CARS1: variants seen among roughly 807,000 people sequenced by gnomAD.
The protein encoded by CARS1 is cysteine--tRNA ligase, cytoplasmic.
In CARS1, 48 loss-of-function variants were observed where a neutral mutation model predicts 106.2. That is an observed-to-expected ratio of 0.45 (90% CI 0.36 to 0.57). CARS1 has a LOEUF of 0.57. Ranked by LOEUF, CARS1 falls within the 20% of genes least tolerant of loss-of-function variation. CARS1 has a pLI of 0.00. For missense variants in CARS1, 968 were observed against 1,057.2 expected (o/e 0.92, Z 1.17); for synonymous variants, 409 against 403.4 (o/e 1.01, Z -0.17).
Position 3,017,788 on chromosome 11 carries a change from G to T in CARS1, c.1727+69C>A. 1 of 1,018,426 alleles carries T rather than the reference G, an allele frequency of 9.8e-7. No homozygotes were observed. Among genetic ancestry groups the T allele is most frequent in the Non-Finnish European group, 1.6e-6 (1 of 642,524 alleles). 63.1% of individuals were successfully genotyped at this position (1,018,426 alleles called of 1,614,324 possible). A position where few individuals can be genotyped will look rare whatever the true frequency, so the allele number is the denominator to read the frequency against. Reference sequence around the variant, plus strand: ...CCTCGACAGTCCAGGACACATGGTGGCCAAGATGCGAGGCTAGGCATAGAA... The same window carrying T: ...CCTCGACAGTCCAGGACACATGGTGTCCAAGATGCGAGGCTAGGCATAGAA... On this transcript the variant is annotated intron_variant, in intron 15 of 22. Coordinates refer to ENST00000380525, the MANE Select transcript of CARS1 (RefSeq NM_001014437.3). The surrounding 1 kb of genome is among the most constrained non-coding windows in gnomAD (Gnocchi z 4.9).
chr11:3,042,567 C>G (rs558724339), intron 2 of CARS1, among the ~76,000 whole-genome samples: 4 of 152,148 alleles, frequency 2.6e-5, no homozygotes, highest in African/African-American at 9.7e-5. Context: ...GGCAGCATAC[C>G]CCAATAACAC....
Position 3,042,240 on chromosome 11 carries a change from C to T in CARS1, c.291G>A (p.Val97=), listed in dbSNP as rs1854556336. 2 of 1,612,526 alleles carry T rather than the reference C, an allele frequency of 1.2e-6. No homozygotes were observed. Among genetic ancestry groups the T allele is most frequent in the South Asian group, 2.2e-5 (2 of 91,046 alleles). The change falls in exon 3 of 23, where the codon GTG becomes GTA. Residue 97 remains valine (V), a synonymous_variant. Coordinates refer to ENST00000380525, the MANE Select transcript of CARS1 (RefSeq NM_001014437.3). ...CAGCAGGAGGGGACCACTGGGGCTG[C>T]ACACGCCGGCCTTTGCCTGGGAGGC... ...CRLQASKGRR[V]QPQWSPPAGT...
At position 3,018,372 on chromosome 11, in the gene CARS1, G is replaced by A. The variant is rs1340237255; in HGVS notation, c.1629+36C>T. 6 of 1,446,738 alleles carry A rather than the reference G, an allele frequency of 4.1e-6. No individual in the cohort carries two copies. In the East Asian group the frequency reaches 6.8e-5, roughly 16 times the overall value. 89.6% of individuals were successfully genotyped at this position (1,446,738 alleles called of 1,614,324 possible). On this transcript the variant is annotated intron_variant, in intron 14 of 22. Transcript: ENST00000380525. The stretch of plus-strand genomic sequence containing the variant: ...AGGTGCCCACTGTGCAGGGGAGGCT[G>A]CTCCACCAACCTCCAGGAAGGGGCT...
chr11:3,037,379 C>A lies in CARS1; in HGVS notation c.801+671G>T, dbSNP rs528578476. Among the ~76,000 whole-genome samples, 1 of 152,218 alleles carries A rather than the reference C, an allele frequency of 6.6e-6. No homozygotes were observed. Among genetic ancestry groups the A allele is most frequent in the African/African-American group, 2.4e-5 (1 of 41,464 alleles). ...GCAGTGGTGAGGGAAGGCAGGGCTG[C>A]GGCCTCAGTGGGGCCTCTTTTTCTA... On this transcript the variant is annotated intron_variant, in intron 7 of 22. Coordinates refer to ENST00000380525, the MANE Select transcript of CARS1 (RefSeq NM_001014437.3). The surrounding 1 kb of genome is among the most constrained non-coding windows in gnomAD (Gnocchi z 5.9).
chr11:3,025,306 T>C (rs1248329256), intron 10 of CARS1, among the ~76,000 whole-genome samples: 2 of 152,140 alleles, frequency 1.3e-5, no homozygotes, highest in East Asian at 3.9e-4. Flanking sequence ...TGGCTCACTA[T>C]AACCTCTGCC....
At position 3,050,846 on chromosome 11, in the gene CARS1, G is replaced by C. The variant is rs1483163094; in HGVS notation, c.26-2845C>G. 6.6e-6 allele frequency among the ~76,000 whole-genome samples: 1 copy of C among 152,192 alleles called. No homozygotes were observed. The highest frequency in any genetic ancestry group is 2.4e-5 in the African/African-American group (1 of 41,444). On this transcript the variant is annotated intron_variant, in intron 1 of 22. Transcript: ENST00000380525. This position sits in a 1 kb window ranked among gnomAD's most constrained non-coding sequence, Gnocchi z 6.3. The stretch of plus-strand genomic sequence containing the variant: ...CGCCCGCCTCTAGACCCTGAGCCTG[G>C]CTGCTCTTTCTCTCCGCAGCACCCC...
At position 3,041,036 on chromosome 11, in the gene CARS1, A is replaced by C. The variant is rs1314161788; in HGVS notation, c.367-52T>G. 1 of 1,613,652 alleles carries C rather than the reference A, an allele frequency of 6.2e-7. No individual in the cohort carries two copies. Among genetic ancestry groups the C allele is most frequent in the Non-Finnish European group, 8.5e-7 (1 of 1,179,748 alleles). ...TCACAAGAAATGCAAGAAACACTGC[A>C]CAGGATTACCAAAAACAGCAACAAA... On this transcript the variant is annotated intron_variant, in intron 3 of 22. Transcript: ENST00000380525. The surrounding 1 kb of genome is among the most constrained non-coding windows in gnomAD (Gnocchi z 4.9).
At chr11:3,005,250 C>T in intron 20 of CARS1, 116 bp downstream of exon 20, 1 of 692,866 alleles carries the variant, frequency 1.4e-6, no homozygotes, top group Non-Finnish European at 2.4e-6. Flanking sequence ...TTTATAAATA[C>T]TGGGATTTTA....
rs769411815 is a variant in CARS1 at position 3,046,182 on chromosome 11, T to C, written c.274+1571A>G. 3.3e-5 allele frequency among the ~76,000 whole-genome samples: 5 copies of C among 152,172 alleles called. No homozygotes were observed. The highest frequency in any genetic ancestry group is 9.7e-5 in the African/African-American group (4 of 41,444). ...TGCTTCCTCTCTGTAGGTTAAAAAG[T>C]GTTTGCAAGAGCAAAACCCTTCCTT... On this transcript the variant is annotated intron_variant, in intron 2 of 22. Transcript: ENST00000380525. The surrounding 1 kb of genome is among the most constrained non-coding windows in gnomAD (Gnocchi z 5.8).
At chr11:3,026,899 ATC>A in intron 9 of CARS1, 102 bp from the exon 10 acceptor site, 2 of 1,338,100 alleles carry the variant, frequency 1.5e-6, no homozygotes, top group Non-Finnish European at 2.1e-6. Flanking sequence ...AAAGTGCGAA[ATC>A]TGTGGCCTAT....
intron 18 of CARS1, chr11:3,007,189 G>GT: frequency 1.7e-6 from 1 of 579,878 alleles, no homozygotes; most frequent in Non-Finnish European, 3.1e-6. Context: ...AGTGTCTCCC[G>GT]TAAGCCCAGG....
At chr11:3,049,577 A>G (rs1855451288) in intron 1 of CARS1, among the ~76,000 whole-genome samples, 1 of 152,218 alleles carries the variant, frequency 6.6e-6, no homozygotes, top group African/African-American at 2.4e-5. Flanking sequence ...GTGTTTGCTG[A>G]GAGGACTGTG....
Position 3,048,721 on chromosome 11 carries a change from A to G in CARS1, c.26-720T>C, listed in dbSNP as rs1016204609. ...AGCTGGACTCTAGCATGGCTTCTGC[A>G]GGTCAAGGCCACAGCCTCAGGAGGA... On this transcript the variant is annotated intron_variant, in intron 1 of 22. Transcript: ENST00000380525. This position sits in a 1 kb window ranked among gnomAD's most constrained non-coding sequence, Gnocchi z 5.1. Among the ~76,000 whole-genome samples the G allele has an allele frequency of 6.6e-6, 1 of 152,194 alleles. No homozygotes were observed. Among genetic ancestry groups the G allele is most frequent in the African/African-American group, 2.4e-5 (1 of 41,452 alleles).
chr11:3,012,587 G>A (rs1299324248), intron 17 of CARS1, among the ~76,000 whole-genome samples: 4 of 152,194 alleles, frequency 2.6e-5, no homozygotes, highest in African/African-American at 7.2e-5. Flanking sequence ...GGTCAGACAC[G>A]CTGCTGTGAA....
chr11:3,001,289 C>G, intron 22 of CARS1, 41 bp from the exon 23 acceptor site: 1 of 1,605,204 alleles, frequency 6.2e-7, no homozygotes, highest in Non-Finnish European at 8.5e-7. Context: ...CTCCTCTGCA[C>G]CTGGGTAACC....
chr11:3,057,362 T>C lies in CARS1; in HGVS notation c.6A>G (p.Ala2=), dbSNP rs774313520. Residue 2 remains alanine (A), a synonymous_variant, in exon 1 of 23, where the codon GCA becomes GCG. Transcript: ENST00000380525. The part of the protein sequence containing the change: M[A]DSSGQQAPDY... ...GCTCACCCTGCTGCCCGGAGGAATC[T>C]GCCATGGCTGGGAATCCCGGACCCG... 4 of 1,610,704 alleles carry C rather than the reference T, an allele frequency of 2.5e-6. No individual in the cohort carries two copies. In the Admixed American group the frequency reaches 6.7e-5, roughly 27 times the overall value.
At chr11:3,013,425 T>G (rs997456271) in intron 17 of CARS1, among the ~76,000 whole-genome samples, 1 of 152,238 alleles carries the variant, frequency 6.6e-6, no homozygotes, top group Middle Eastern at 3.2e-3. Context: ...GTGCTGGGAT[T>G]ACAGGCGTGA....
At position 3,030,534 on chromosome 11, in the gene CARS1, A is replaced by C. The variant is rs1423498551; in HGVS notation, c.802-1091T>G. On this transcript the variant is annotated intron_variant, in intron 7 of 22. Transcript: ENST00000380525. This position sits in a 1 kb window ranked among gnomAD's most constrained non-coding sequence, Gnocchi z 5.7. ...AGCAAACACTGGGCCTGCCCCAAGT[A>C]CAGGGAAACGCGCATCCTGGCCCTC... 6.6e-6 allele frequency: 1 copy of C among 152,268 alleles called. No homozygotes were observed. The highest frequency in any genetic ancestry group is 2.4e-5 in the African/African-American group (1 of 41,468). 9.4% of individuals were successfully genotyped at this position (152,268 alleles called of 1,614,324 possible).
In CARS1 at chr11:3,030,164, G is replaced by C. The variant is rs182839574; in HGVS notation, c.802-721C>G. 6.0e-4 allele frequency: 91 copies of C among 152,302 alleles called. No individual in the cohort carries two copies. The highest frequency in any genetic ancestry group is 2.1e-3 in the African/African-American group (89 of 41,494). 9.4% of individuals were successfully genotyped at this position (152,302 alleles called of 1,614,324 possible). A position where few individuals can be genotyped will look rare whatever the true frequency, so the allele number is the denominator to read the frequency against. On this transcript the variant is annotated intron_variant, in intron 7 of 22. Coordinates refer to ENST00000380525, the MANE Select transcript of CARS1 (RefSeq NM_001014437.3). The surrounding 1 kb of genome is among the most constrained non-coding windows in gnomAD (Gnocchi z 5.7). ...GGACAGGGCGTGACACCAAGCAGAT[G>C]GTCTGTGGCCTACTATGGGAAGGGG...
Sources: gnomAD v4.1 joint callset for allele counts (sites outside exome capture counted in the v4.1 genomes callset) on GRCh38, gnomAD v4.1.1 for gene constraint, Gnocchi (gnomAD v3.1) non-coding constraint, MANE v1.5 for transcripts, NCBI Gene and HGNC (gene_info 2026-07-23, HGNC 2026-07-21) for gene names.